The following CCDC178 variants were observed in gnomAD, a reference collection of about 807,000 sequenced individuals.
CCDC178 encodes the protein coiled-coil domain-containing protein 178.
A neutral mutation model predicts 117.4 loss-of-function variants in CCDC178; 126 were observed. That is an observed-to-expected ratio of 1.07 (90% CI 0.93 to 1.24). The LOEUF (loss-of-function observed/expected upper bound fraction) is 1.24. Ranked by LOEUF, CCDC178 falls within the 50% of genes most tolerant of loss-of-function variation. CCDC178 has a pLI of 0.00. For missense variants in CCDC178, 1,030 were observed against 986.9 expected, an observed-to-expected ratio of 1.04 and a Z score of -0.59; for synonymous variants, 283 against 313.4, an observed-to-expected ratio of 0.90 and a Z score of 1.02.
chr18:33,289,395 A>G (rs2060139569), intron 12 of CCDC178, among the ~76,000 whole-genome samples: 1 of 152,116 alleles, frequency 6.6e-6, no homozygotes, highest in South Asian at 2.1e-4. Context: ...TGGGTGGATC[A>G]CCTGAGGTCA....
chr18:33,241,473 G>T (rs2059487720), intron 15 of CCDC178, among the ~76,000 whole-genome samples: 1 of 149,182 alleles, frequency 6.7e-6, no homozygotes, highest in Non-Finnish European at 1.5e-5. Context: ...TGTGTGTAGA[G>T]AGAGACTCTA....
chr18:33,249,137 G>C (rs551588980), intron 14 of CCDC178, among the ~76,000 whole-genome samples: 1 of 152,084 alleles, frequency 6.6e-6, no homozygotes, highest in Admixed American at 6.6e-5. Flanking sequence ...TTGTAAATTT[G>C]TTTGAGTTCA....
At chr18:33,173,158 TC>T (rs1416377350) in intron 20 of CCDC178, among the ~76,000 whole-genome samples, 31 of 152,242 alleles carry the variant, frequency 2.0e-4, no homozygotes, top group Middle Eastern at 3.4e-3. Flanking sequence ...GAAGTAATCC[TC>T]CCACCTCAGC....
At chr18:33,228,172 T>C (rs1345484083) in intron 15 of CCDC178, among the ~76,000 whole-genome samples, 1 of 152,210 alleles carries the variant, frequency 6.6e-6, no homozygotes. Context: ...CAAACAACTC[T>C]TAGATTATGC....
intron 21 of CCDC178, among the ~76,000 whole-genome samples, chr18:32,980,613 A>T (rs2055136117): frequency 1.3e-5 from 2 of 151,392 alleles, no homozygotes; most frequent in Non-Finnish European, 2.9e-5. Flanking sequence ...AGTCAATAAT[A>T]AAAATAGAAA....
At chr18:33,285,650 A>C (rs1310448407) in intron 12 of CCDC178, among the ~76,000 whole-genome samples, 5 of 152,186 alleles carry the variant, frequency 3.3e-5, no homozygotes, top group African/African-American at 4.8e-5. Context: ...TCATCTAATG[A>C]ATTTAAAAAT....
intron 20 of CCDC178, among the ~76,000 whole-genome samples, chr18:33,164,668 ATTAAAAAAGAGATGGATTCTCT>A (rs1196628056): frequency 6.6e-6 from 1 of 151,782 alleles, no homozygotes; most frequent in Non-Finnish European, 1.5e-5. Context: ...ATCTGGGTTA[ATTAAAAAAGAGATGGATTCTCT>A]TATCTGCTTC....
chr18:33,436,943 T>A (rs1185630735), intron 2 of CCDC178, among the ~76,000 whole-genome samples: 1 of 152,192 alleles, frequency 6.6e-6, no homozygotes, highest in Non-Finnish European at 1.5e-5. Context: ...AACCTGTGCC[T>A]GGGACCTCTA....
At chr18:33,046,020 A>G (rs1480485161) in intron 21 of CCDC178, among the ~76,000 whole-genome samples, 2 of 152,228 alleles carry the variant, frequency 1.3e-5, no homozygotes, top group African/African-American at 2.4e-5. Flanking sequence ...GTGAGCCAAG[A>G]TCGTGCCATT....
intron 2 of CCDC178, among the ~76,000 whole-genome samples, chr18:33,431,380 T>A (rs1018055374): frequency 5.3e-5 from 8 of 151,922 alleles, no homozygotes; most frequent in South Asian, 2.1e-4. Context: ...AACAATTTTT[T>A]AAAAATTCAA....
intron 3 of CCDC178, among the ~76,000 whole-genome samples, chr18:33,409,238 T>C (rs1177399530): frequency 1.3e-5 from 2 of 152,014 alleles, no homozygotes; most frequent in Admixed American, 1.3e-4. Flanking sequence ...GCATATACCA[T>C]CAGGCCTGGC....
chr18:33,143,168 T>C (rs2058228659), intron 20 of CCDC178, among the ~76,000 whole-genome samples: 2 of 152,170 alleles, frequency 1.3e-5, no homozygotes, highest in Admixed American at 6.5e-5. Flanking sequence ...CAGCTAGCAT[T>C]GTGCAGAGTT....
intron 6 of CCDC178, 89 bp downstream of exon 6, chr18:33,369,961 T>C: frequency 9.2e-7 from 1 of 1,084,384 alleles, no homozygotes; most frequent in Non-Finnish European, 1.3e-6. Context: ...ATTTAAAAAG[T>C]CCAGAGTTTC....
chr18:33,231,791 C>T (rs774445363), intron 15 of CCDC178, among the ~76,000 whole-genome samples: 18 of 152,124 alleles, frequency 1.2e-4, no homozygotes, highest in Non-Finnish European at 1.9e-4. Context: ...TCCAGCAACA[C>T]GCAGATAGCT....
rs1555680881 is a variant in CCDC178 at position 33,303,678 on chromosome 18, TA to T, written c.1023-10367del. On this transcript the variant is annotated intron_variant, in intron 11 of 22. Transcript: ENST00000383096. ...GCTCAAAAACATAAAGTCTAGTTTT[TA>T]AAAAAAAAAAAAACTATGAAAAAAA... is the stretch of plus-strand genomic sequence containing the variant. Among the ~76,000 whole-genome samples the T allele has an allele frequency of 5.2e-3, 769 of 148,528 alleles. 6 individuals carry two copies. The highest frequency in any genetic ancestry group is 0.012 in the African/African-American group (498 of 40,160).
At chr18:33,048,622 A>G (rs1047661778) in intron 21 of CCDC178, among the ~76,000 whole-genome samples, 3 of 152,168 alleles carry the variant, frequency 2.0e-5, no homozygotes, top group Non-Finnish European at 2.9e-5. Context: ...TTACAGAAAT[A>G]TTTGTATAAC....
At chr18:33,011,958 C>A (rs1268600248) in intron 21 of CCDC178, among the ~76,000 whole-genome samples, 1 of 151,870 alleles carries the variant, frequency 6.6e-6, no homozygotes, top group Admixed American at 6.6e-5. Context: ...AGTGAACAAG[C>A]TTATTTCCCA....
At position 33,389,732 on chromosome 18, in the gene CCDC178, C is replaced by T. The variant is rs1183667377; in HGVS notation, c.119-103G>A. The T allele has an allele frequency of 9.1e-6, 4 of 438,902 alleles. No homozygotes were observed. In the East Asian group the frequency reaches 1.5e-4, roughly 17 times the overall value. 27.2% of individuals were successfully genotyped at this position (438,902 alleles called of 1,614,324 possible). ...AAAACTACGTTAGAGAAGTGCTCTCCTTAAAAGAAAAACAACTATGATACA... is the reference window on the plus strand; with the variant it reads ...AAAACTACGTTAGAGAAGTGCTCTCTTTAAAAGAAAAACAACTATGATACA... On this transcript the variant is annotated intron_variant, in intron 4 of 22. Coordinates refer to ENST00000383096, the MANE Select transcript of CCDC178 (RefSeq NM_001105528.4).
chr18:32,968,876 G>GT (rs1373285148), intron 22 of CCDC178, among the ~76,000 whole-genome samples: 1 of 151,810 alleles, frequency 6.6e-6, no homozygotes, highest in African/African-American at 2.4e-5. Flanking sequence ...TTCTGTTGTG[G>GT]TTTTTTTCCT....
Sources: allele counts gnomAD v4.1 joint callset (sites outside exome capture counted in the v4.1 genomes callset), GRCh38; gene constraint gnomAD v4.1.1; transcripts MANE v1.5; gene names NCBI Gene and HGNC (gene_info 2026-07-23, HGNC 2026-07-21).